The following LARGE1 variants were observed in gnomAD, a reference collection of about 807,000 sequenced individuals.
LARGE1 encodes the protein LARGE xylosyl- and glucuronyltransferase 1.
A neutral mutation model predicts 87.6 loss-of-function variants in LARGE1; 43 were observed. That is an observed-to-expected ratio of 0.49 (90% CI 0.38 to 0.63). The LOEUF (loss-of-function observed/expected upper bound fraction) is 0.63. Ranked by LOEUF, LARGE1 falls within the 30% of genes least tolerant of loss-of-function variation. LARGE1 has a pLI of 0.00. For synonymous variants in LARGE1, 434 were observed against 394.6 expected, an observed-to-expected ratio of 1.10 and a Z score of -1.18; for missense variants, 802 against 1,000.2, an observed-to-expected ratio of 0.80 and a Z score of 2.67.
intron 11 of LARGE1, among the ~76,000 whole-genome samples, chr22:33,179,043 A>G (rs532326214): frequency 6.6e-6 from 1 of 152,342 alleles, no homozygotes; most frequent in Non-Finnish European, 1.5e-5. Context: ...CATGTGTGTC[A>G]GCCCAGGCCT....
chr22:33,706,011 C>G (rs779341784), intron 2 of LARGE1, among the ~76,000 whole-genome samples: 4 of 152,132 alleles, frequency 2.6e-5, no homozygotes, highest in Non-Finnish European at 4.4e-5. Context: ...AAATGGAAAA[C>G]ACATCCATCA....
At chr22:33,133,255 C>T in the LARGE1 span, among the ~76,000 whole-genome samples, 2 of 152,042 alleles carry the variant, frequency 1.3e-5, no homozygotes, top group South Asian at 2.1e-4. Flanking sequence ...TAGGTATACA[C>T]GTGCCATGGT....
At chr22:33,378,756 A>G (rs1043694758) in intron 9 of LARGE1, among the ~76,000 whole-genome samples, 5 of 152,154 alleles carry the variant, frequency 3.3e-5, no homozygotes, top group African/African-American at 1.2e-4. Flanking sequence ...ATCAGACTCT[A>G]TGGGTTAGTG....
chr22:33,184,871 C>T (rs1378482871), intron 11 of LARGE1, among the ~76,000 whole-genome samples: 1 of 151,994 alleles, frequency 6.6e-6, no homozygotes, highest in African/African-American at 2.4e-5. Flanking sequence ...CACTATACAC[C>T]TATTATTAAG....
intron 11 of LARGE1, among the ~76,000 whole-genome samples, chr22:33,262,036 T>C (rs1223976288): frequency 6.6e-6 from 1 of 152,216 alleles, no homozygotes; most frequent in Non-Finnish European, 1.5e-5. Flanking sequence ...ATGCCATGTA[T>C]TGATGGGGTG....
chr22:33,380,926 C>T (rs541028810), intron 9 of LARGE1, among the ~76,000 whole-genome samples: 1 of 152,334 alleles, frequency 6.6e-6, no homozygotes, highest in African/African-American at 2.4e-5. Flanking sequence ...ACTCCTTCCA[C>T]TGTAGGGAGG....
At chr22:33,751,763 G>A (rs2084324777) in intron 2 of LARGE1, among the ~76,000 whole-genome samples, 2 of 151,190 alleles carry the variant, frequency 1.3e-5, no homozygotes, top group Admixed American at 1.3e-4. Flanking sequence ...ATATAAACGT[G>A]CCACTATTCT....
intron 6 of LARGE1, among the ~76,000 whole-genome samples, chr22:33,461,020 A>G (rs1257128268): frequency 2.0e-5 from 3 of 152,244 alleles, no homozygotes; most frequent in African/African-American, 7.2e-5. Context: ...CCTGGCCTCA[A>G]AGATAAATTT....
chr22:33,215,619 T>A (rs917331654), intron 11 of LARGE1, among the ~76,000 whole-genome samples: 1 of 152,218 alleles, frequency 6.6e-6, no homozygotes, highest in African/African-American at 2.4e-5. Context: ...GTGTGTGCTT[T>A]TTTTTCCCTT....
intron 6 of LARGE1, among the ~76,000 whole-genome samples, chr22:33,505,440 T>C (rs1025143792): frequency 2.0e-5 from 3 of 152,064 alleles, no homozygotes; most frequent in African/African-American, 7.2e-5. Flanking sequence ...TCCCTACCCC[T>C]AGAAGGGAGG....
chr22:33,709,612 T>C (rs1024808311), intron 2 of LARGE1, among the ~76,000 whole-genome samples: 22 of 151,554 alleles, frequency 1.5e-4, no homozygotes, highest in African/African-American at 4.9e-4. Context: ...CTACTCTCCA[T>C]TTTAATTCTT....
At chr22:33,714,823 G>A (rs1274524273) in intron 2 of LARGE1, among the ~76,000 whole-genome samples, 1 of 152,162 alleles carries the variant, frequency 6.6e-6, no homozygotes, top group Non-Finnish European at 1.5e-5. Context: ...CGCCATCTCA[G>A]GTTATGGAAA....
chr22:33,575,661 C>T (rs2078331111), intron 5 of LARGE1, among the ~76,000 whole-genome samples: 1 of 152,330 alleles, frequency 6.6e-6, no homozygotes, highest in South Asian at 2.1e-4. Flanking sequence ...ACATACAACC[C>T]TAGCCCAAAA....
At chr22:33,726,972 G>A (rs942950525) in intron 2 of LARGE1, among the ~76,000 whole-genome samples, 2 of 152,214 alleles carry the variant, frequency 1.3e-5, no homozygotes, top group Non-Finnish European at 1.5e-5. Context: ...ATGGATGAGA[G>A]AAAGAGGTTT....
rs769402081 is a variant in LARGE1, at chr22:33,283,242, A to G, written c.1837T>C (p.Leu613=). The G allele has an allele frequency of 2.5e-6, 4 of 1,614,014 alleles. No homozygotes were observed. The South Asian group carries it at 4.4e-5, about 18-fold the overall frequency. The change falls in exon 13 of 15, where the codon TTG becomes CTG. Residue 613 remains leucine (L), a synonymous_variant. Transcript: ENST00000397394. ...GTCCCCATGTCCAGCATTGACAGCAACTCCGCTTTTGACTTGGGGAAGGAC... is the reference window on the plus strand; with the variant it reads ...GTCCCCATGTCCAGCATTGACAGCAGCTCCGCTTTTGACTTGGGGAAGGAC... The part of the protein sequence containing the change: ...RLSFPKSKAE[L]LSMLDMGTLF...
the LARGE1 span, among the ~76,000 whole-genome samples, chr22:33,113,873 CTTTT>C: frequency 1.4e-5 from 2 of 140,338 alleles, no homozygotes. Flanking sequence ...TAGGGATTTT[CTTTT>C]TTTTTTTTTT....
intron 2 of LARGE1, among the ~76,000 whole-genome samples, chr22:33,734,111 C>G (rs1394509805): frequency 1.3e-5 from 2 of 152,210 alleles, no homozygotes; most frequent in Non-Finnish European, 2.9e-5. Context: ...CTCACATCAT[C>G]TGATCCTCTG....
intron 6 of LARGE1, among the ~76,000 whole-genome samples, chr22:33,485,209 G>A (rs1359549771): frequency 1.3e-5 from 2 of 149,226 alleles, no homozygotes; most frequent in South Asian, 2.1e-4. Context: ...CACCGCGTCC[G>A]GTCTGAGTCT....
intron 9 of LARGE1, among the ~76,000 whole-genome samples, chr22:33,371,755 T>C (rs1163826743): frequency 1.3e-5 from 2 of 151,934 alleles, no homozygotes; most frequent in Admixed American, 6.6e-5. Context: ...GAGGCCGAGG[T>C]GGGTGGATCA....
Sources: gnomAD v4.1 joint callset for allele counts (sites outside exome capture counted in the v4.1 genomes callset) on GRCh38, gnomAD v4.1.1 for gene constraint, MANE v1.5 for transcripts, NCBI Gene and HGNC (gene_info 2026-07-23, HGNC 2026-07-21) for gene names.